Variants in DLG2 observed in about 807,000 individuals in gnomAD.
The protein encoded by DLG2 is discs large MAGUK scaffold protein 2, also known as disks large homolog 2.
In DLG2, 45 loss-of-function variants were observed where a neutral mutation model predicts 132.5. The observed-to-expected ratio is 0.34, with a 90% CI of 0.27 to 0.44. The LOEUF (loss-of-function observed/expected upper bound fraction) is 0.44. Among genes scored for constraint, DLG2 ranks in the 20% least tolerant of loss-of-function variants. DLG2 has a pLI of 1.00. For synonymous variants in DLG2, 424 were observed against 419.6 expected, an observed-to-expected ratio of 1.01 and a Z score of -0.13; for missense variants, 1,045 against 1,196.9, an observed-to-expected ratio of 0.87 and a Z score of 1.87.
chr11:85,514,880 C>G (rs1235710314), intron 3 of DLG2, among the ~76,000 whole-genome samples: 1 of 151,864 alleles, frequency 6.6e-6, no homozygotes. Flanking sequence ...CACCAATAAT[C>G]TTCTTGAATT....
intron 18 of DLG2, chr11:83,651,799 C>T (rs1017682107): frequency 4.3e-6 from 2 of 470,452 alleles, no homozygotes; most frequent in African/African-American, 4.0e-5. Flanking sequence ...TTCCAAAACA[C>T]ACTTAGAGGA....
At chr11:85,201,104 A>C (rs2081424614) in intron 4 of DLG2, among the ~76,000 whole-genome samples, 1 of 152,136 alleles carries the variant, frequency 6.6e-6, no homozygotes, top group African/African-American at 2.4e-5. Flanking sequence ...TAATCTGTGC[A>C]GGGACTTGCA....
At chr11:83,883,525 T>A (rs988462479) in intron 15 of DLG2, among the ~76,000 whole-genome samples, 2 of 152,216 alleles carry the variant, frequency 1.3e-5, no homozygotes, top group Non-Finnish European at 2.9e-5. Flanking sequence ...AGAGTACACT[T>A]CAAATGCTGA....
At chr11:83,677,956 C>T (rs906861032) in intron 18 of DLG2, among the ~76,000 whole-genome samples, 2 of 152,180 alleles carry the variant, frequency 1.3e-5, no homozygotes, top group Admixed American at 1.3e-4. Flanking sequence ...CACTTGGATG[C>T]TTCAGGCAGC....
At chr11:85,006,997 C>G (rs547259924) in intron 6 of DLG2, among the ~76,000 whole-genome samples, 1 of 152,198 alleles carries the variant, frequency 6.6e-6, no homozygotes, top group South Asian at 2.1e-4. Flanking sequence ...TTTCTTTCTA[C>G]TTTTTGAGAA....
intron 3 of DLG2, among the ~76,000 whole-genome samples, chr11:85,429,087 G>C (rs2090984920): frequency 6.6e-6 from 1 of 152,096 alleles, no homozygotes; most frequent in Non-Finnish European, 1.5e-5. Context: ...GGAAGAACTT[G>C]AATCTCTCAA....
At chr11:85,469,236 C>T (rs148868501) in intron 3 of DLG2, 5 of 152,312 alleles carry the variant, frequency 3.3e-5, no homozygotes, top group African/African-American at 4.8e-5. Flanking sequence ...GCTATCATTT[C>T]TCACTTGAGT....
At chr11:85,309,032 T>C (rs941047149) in intron 3 of DLG2, among the ~76,000 whole-genome samples, 6 of 152,084 alleles carry the variant, frequency 3.9e-5, no homozygotes, top group Admixed American at 3.9e-4. Flanking sequence ...GCCTATAGAA[T>C]AGGGAGAAAA....
intron 7 of DLG2, among the ~76,000 whole-genome samples, chr11:84,448,379 T>G (rs2099041713): frequency 1.3e-5 from 2 of 152,068 alleles, no homozygotes; most frequent in South Asian, 4.1e-4. Flanking sequence ...TCCATGACAT[T>G]TATGAGCAAT....
intron 16 of DLG2, among the ~76,000 whole-genome samples, chr11:83,856,014 T>C (rs1370759006): frequency 1.3e-5 from 2 of 152,316 alleles, no homozygotes; most frequent in East Asian, 3.9e-4. Context: ...CAGGCCCCAG[T>C]GTGTGTTGTT....
At chr11:84,911,423 T>C (rs2092047738) in intron 6 of DLG2, among the ~76,000 whole-genome samples, 1 of 151,848 alleles carries the variant, frequency 6.6e-6, no homozygotes, top group Non-Finnish European at 1.5e-5. Context: ...AAATTTAATA[T>C]ATTAAAATTT....
At chr11:83,949,345 G>A (rs1234984076) in intron 14 of DLG2, among the ~76,000 whole-genome samples, 1 of 152,046 alleles carries the variant, frequency 6.6e-6, no homozygotes, top group Non-Finnish European at 1.5e-5. Flanking sequence ...TAACTCTAAT[G>A]ATCTTTTCCC....
intron 4 of DLG2, among the ~76,000 whole-genome samples, chr11:85,224,026 A>G (rs2074825581): frequency 6.6e-6 from 1 of 152,204 alleles, no homozygotes; most frequent in African/African-American, 2.4e-5. Flanking sequence ...TTTGTACCTT[A>G]GTTTTTACAT....
intron 6 of DLG2, among the ~76,000 whole-genome samples, chr11:84,950,930 A>G (rs2050834016): frequency 6.6e-6 from 1 of 152,220 alleles, no homozygotes; most frequent in South Asian, 2.1e-4. Context: ...ACTTCTTTAC[A>G]TATTTAATTA....
chr11:85,553,491 G>A (rs1438577188), intron 3 of DLG2, among the ~76,000 whole-genome samples: 1 of 149,660 alleles, frequency 6.7e-6, no homozygotes, highest in Non-Finnish European at 1.5e-5. Context: ...TAATCTGTTT[G>A]TATTTTTGGT....
chr11:84,551,375 T>C (rs2099401531), intron 6 of DLG2, among the ~76,000 whole-genome samples: 1 of 152,222 alleles, frequency 6.6e-6, no homozygotes, highest in South Asian at 2.1e-4. Context: ...GTGCTTACTA[T>C]ACTCTTAAGA....
At chr11:84,090,852 A>G (rs2097080672) in intron 10 of DLG2, among the ~76,000 whole-genome samples, 2 of 152,252 alleles carry the variant, frequency 1.3e-5, no homozygotes, top group Non-Finnish European at 2.9e-5. Flanking sequence ...CATAAACTGA[A>G]AATAAATTCC....
At chr11:83,965,620 A>G (rs1309269606) in intron 12 of DLG2, 152 bp from the exon 13 acceptor site, 2 of 630,992 alleles carry the variant, frequency 3.2e-6, no homozygotes, top group Admixed American at 6.7e-5. Context: ...GTCAAAGCAG[A>G]TAAGTACAAT....
At chr11:85,143,663 C>T (rs936751716) in intron 5 of DLG2, among the ~76,000 whole-genome samples, 2 of 151,640 alleles carry the variant, frequency 1.3e-5, no homozygotes, top group African/African-American at 2.4e-5. Flanking sequence ...TTAAAATTTC[C>T]TTCCTGATTT....
Sources: allele counts gnomAD v4.1 joint callset (sites outside exome capture counted in the v4.1 genomes callset), GRCh38; gene constraint gnomAD v4.1.1; transcripts MANE v1.5; gene names NCBI Gene and HGNC (gene_info 2026-07-23, HGNC 2026-07-21).